COIL: variants seen among roughly 807,000 people sequenced by gnomAD.
COIL encodes the protein coilin.
A neutral mutation model predicts 51.6 loss-of-function variants in COIL; 28 were observed. That is an observed-to-expected ratio of 0.54 (90% CI 0.40 to 0.74). COIL has a LOEUF of 0.74. COIL is among the 30% of genes least tolerant of loss of function. The probability of loss-of-function intolerance (pLI) is 0.00; values close to 1 mark genes in which losing one functional copy is unlikely to be tolerated. For synonymous variants in COIL, 233 were observed against 255.8 expected, an observed-to-expected ratio of 0.91 and a Z score of 0.85; for missense variants, 667 against 685.9, an observed-to-expected ratio of 0.97 and a Z score of 0.31.
intron 4 of COIL, 145 bp from the exon 5 acceptor site, chr17:56,946,656 A>G: frequency 7.0e-6 from 4 of 567,690 alleles, no homozygotes; most frequent in Non-Finnish European, 1.2e-5. Context: ...ATTTAGAAAT[A>G]AATCCACATA....
In COIL at chr17:56,938,727, G is replaced by A. The variant is rs2144387386; in HGVS notation, c.*344C>T. ...AAAACTTATTGAGACAAGATACGCAGCACATTCTTGGTATTATAAACTCCT... is the reference window on the plus strand; with the variant it reads ...AAAACTTATTGAGACAAGATACGCAACACATTCTTGGTATTATAAACTCCT... On this transcript the variant is annotated 3_prime_UTR_variant, in exon 7 of 7. Transcript: ENST00000240316. 5.9e-6 allele frequency: 1 copy of A among 168,938 alleles called. No homozygotes were observed. The highest frequency in any genetic ancestry group is 1.6e-4 in the East Asian group (1 of 6,308). 10.5% of individuals were successfully genotyped at this position (168,938 alleles called of 1,614,324 possible).
chr17:56,955,886 T>C (rs941933559), intron 1 of COIL, among the ~76,000 whole-genome samples: 1 of 152,192 alleles, frequency 6.6e-6, no homozygotes. Context: ...TCCAACTGAA[T>C]AATTTTCCAA....
rs568823465 is a variant in COIL at position 56,953,139 on chromosome 17, C to T, written c.246-2143G>A. Among the ~76,000 whole-genome samples the T allele has an allele frequency of 1.7e-3, 253 of 150,796 alleles. 2 individuals are homozygous for T. Among genetic ancestry groups the T allele is most frequent in the African/African-American group, 4.2e-3 (171 of 40,468 alleles). On this transcript the variant is annotated intron_variant, in intron 1 of 6. Transcript: ENST00000240316. The stretch of plus-strand genomic sequence containing the variant: ...CAAAATACAAACATCAGGCTGGGCA[C>T]GGTGGCTCACGCCTGTAATCCCAGC...
At chr17:56,943,899 T>C (rs1680511041) in intron 5 of COIL, among the ~76,000 whole-genome samples, 1 of 152,158 alleles carries the variant, frequency 6.6e-6, no homozygotes, top group African/African-American at 2.4e-5. Context: ...AGACAGGGTC[T>C]TGCTCACTCA....
chr17:56,951,231 T>G (rs756371118), intron 1 of COIL, among the ~76,000 whole-genome samples: 4 of 152,242 alleles, frequency 2.6e-5, no homozygotes, highest in African/African-American at 2.4e-5. Flanking sequence ...TCCTAAACAT[T>G]TTTAATACGT....
At position 56,942,086 on chromosome 17, in the gene COIL, GT is replaced by G; in HGVS notation, c.1595del (p.His532ProfsTer8). ...REPGKFDLVY[H>X]NENGAEVVEY... Reference sequence around the variant, plus strand: ...CCACTACCTCGGCTCCATTTTCATTGTGATAAACTAAATCAAATTTCCCAGG... The same window carrying G: ...CCACTACCTCGGCTCCATTTTCATTGGATAAACTAAATCAAATTTCCCAGG... On this transcript the variant is annotated frameshift_variant, in exon 6 of 7. Coordinates refer to ENST00000240316, the MANE Select transcript of COIL (RefSeq NM_004645.3). LOFTEE classifies it high-confidence loss of function. The G allele has an allele frequency of 1.2e-6, 2 of 1,614,142 alleles. No homozygotes were observed. The highest frequency in any genetic ancestry group is 1.7e-6 in the Non-Finnish European group (2 of 1,179,992).
chr17:56,952,710 T>C (rs144907848), intron 1 of COIL, among the ~76,000 whole-genome samples: 1 of 152,306 alleles, frequency 6.6e-6, no homozygotes, highest in African/African-American at 2.4e-5. Context: ...TATAGCTTAC[T>C]AAGTGAACTT....
intron 1 of COIL, chr17:56,951,359 A>G (rs78216156): frequency 0.056 from 9,884 of 176,798 alleles, 413 homozygotes; most frequent in Non-Finnish European, 0.088. Flanking sequence ...CAGAAACGCA[A>G]TTCAAACTTC....
intron 1 of COIL, among the ~76,000 whole-genome samples, chr17:56,954,077 A>T (rs1457319378): frequency 6.6e-6 from 1 of 152,184 alleles, no homozygotes; most frequent in Non-Finnish European, 1.5e-5. Flanking sequence ...TGAGATGACC[A>T]AATAGGACCA....
rs774301819 is a variant in COIL at position 56,950,299 on chromosome 17, A to C, written c.943T>G (p.Ser315Ala). Reference protein sequence around the residue: ...SKGKTSGTTSSSSDSSAESDD... With the variant: ...SKGKTSGTTSASSDSSAESDD... ...GACTCTGCACTAGAGTCTGAACTGG[A>C]AGATGTTGTTCCAGAGGTCTTGCCC... Residue 315 changes from serine (S) to alanine (A), a missense_variant, in exon 2 of 7, where the codon TCC (serine) becomes GCC (alanine). Coordinates refer to ENST00000240316, the MANE Select transcript of COIL (RefSeq NM_004645.3). 3 of 1,614,232 alleles carry C rather than the reference A, an allele frequency of 1.9e-6. No homozygotes were observed. The South Asian group carries it at 3.3e-5, about 18-fold the overall frequency.
intron 5 of COIL, among the ~76,000 whole-genome samples, chr17:56,944,572 C>T (rs1910209406): frequency 1.3e-5 from 2 of 151,240 alleles, no homozygotes; most frequent in East Asian, 3.9e-4. Flanking sequence ...GCCTGGACAA[C>T]AGAGTGAGAC....
chr17:56,959,980 C>T (rs1910554490), intron 1 of COIL, among the ~76,000 whole-genome samples: 1 of 152,186 alleles, frequency 6.6e-6, no homozygotes, highest in Admixed American at 6.5e-5. Flanking sequence ...CTTTGGGAAG[C>T]CGGGAGGATC....
chr17:56,946,104 A>T (rs1455679022), intron 5 of COIL, among the ~76,000 whole-genome samples: 1 of 152,144 alleles, frequency 6.6e-6, no homozygotes, highest in Non-Finnish European at 1.5e-5. Context: ...AATTCCTCCC[A>T]ATCTTTTATA....
chr17:56,957,241 T>G (rs116865914), intron 1 of COIL, among the ~76,000 whole-genome samples: 4,878 of 151,654 alleles, frequency 0.032, 98 homozygotes, highest in Middle Eastern at 0.062. Flanking sequence ...AGTGAGACCC[T>G]GTCTCAAAAA....
intron 1 of COIL, among the ~76,000 whole-genome samples, chr17:56,953,775 C>T (rs1372185297): frequency 6.6e-6 from 1 of 152,046 alleles, no homozygotes; most frequent in African/African-American, 2.4e-5. Flanking sequence ...TGTCAGAAAA[C>T]TAACTATACA....
At chr17:56,944,473 T>TC (rs1477228702) in intron 5 of COIL, among the ~76,000 whole-genome samples, 2 of 151,450 alleles carry the variant, frequency 1.3e-5, no homozygotes, top group Non-Finnish European at 2.9e-5. Context: ...GTGCCTGTAG[T>TC]CCCAGCTGCT....
intron 5 of COIL, among the ~76,000 whole-genome samples, chr17:56,944,474 C>T (rs1910206617): frequency 1.3e-5 from 2 of 151,310 alleles, no homozygotes; most frequent in South Asian, 4.2e-4. Context: ...TGCCTGTAGT[C>T]CCAGCTGCTC....
Position 56,939,007 on chromosome 17 carries a change from AG to A in COIL, c.*63del. Reference sequence around the variant, plus strand: ...CAAATCCTCTTTAAAAAAAAAAAAAAGTTTGGGTTATAGTCACTTTCACAAA... The same window carrying A: ...CAAATCCTCTTTAAAAAAAAAAAAAATTTGGGTTATAGTCACTTTCACAAA... On this transcript the variant is annotated 3_prime_UTR_variant, in exon 7 of 7. Transcript: ENST00000240316. 1.1e-6 allele frequency: 1 copy of A among 897,012 alleles called. No homozygotes were observed. Among genetic ancestry groups the A allele is most frequent in the South Asian group, 1.6e-5 (1 of 63,554 alleles). 55.6% of individuals were successfully genotyped at this position (897,012 alleles called of 1,614,324 possible).
intron 5 of COIL, among the ~76,000 whole-genome samples, chr17:56,944,394 C>T (rs953852201): frequency 9.2e-5 from 14 of 151,980 alleles, no homozygotes; most frequent in African/African-American, 2.9e-4. Context: ...AGATCGAGAC[C>T]GTCCTGGCTA....
Sources: allele counts gnomAD v4.1 joint callset (sites outside exome capture counted in the v4.1 genomes callset), GRCh38; gene constraint gnomAD v4.1.1; transcripts MANE v1.5; gene names NCBI Gene and HGNC (gene_info 2026-07-23, HGNC 2026-07-21).